Variants in RIMS1 observed in about 807,000 individuals in gnomAD.
The protein encoded by RIMS1 is regulating synaptic membrane exocytosis protein 1.
In RIMS1, 83 loss-of-function variants were observed where a neutral mutation model predicts 214.1. That is an observed-to-expected ratio of 0.39 (90% CI 0.32 to 0.47). The LOEUF is 0.47. Among genes scored for constraint, RIMS1 ranks in the 20% least tolerant of loss-of-function variants. The pLI, the probability that RIMS1 is intolerant of heterozygous loss-of-function variation, is 0.99. For synonymous variants in RIMS1, 793 were observed against 786.8 expected (o/e 1.01, Z -0.13); for missense variants, 2,050 against 2,161.8 (o/e 0.95, Z 1.03).
intron 8 of RIMS1, among the ~76,000 whole-genome samples, chr6:72,236,783 T>A (rs1275301179): frequency 8.6e-5 from 11 of 128,514 alleles, no homozygotes; most frequent in African/African-American, 8.8e-5. Context: ...GCTGATGAGC[T>A]AAAAAAAAAA....
At chr6:72,225,079 G>A (rs905764437) in intron 6 of RIMS1, among the ~76,000 whole-genome samples, 10 of 151,730 alleles carry the variant, frequency 6.6e-5, no homozygotes, top group East Asian at 2.0e-4. Context: ...TGTTTGCATA[G>A]CCAAAATAAA....
intron 6 of RIMS1, among the ~76,000 whole-genome samples, chr6:72,218,260 ACGCAGAGAGG>A: frequency 6.6e-6 from 1 of 152,112 alleles, no homozygotes; most frequent in Non-Finnish European, 1.5e-5. Context: ...GAGGACCTGG[ACGCAGAGAGG>A]CACTGGGGCT....
chr6:72,181,460 A>G (rs1464013446), intron 5 of RIMS1, among the ~76,000 whole-genome samples: 3 of 152,242 alleles, frequency 2.0e-5, no homozygotes. Flanking sequence ...ATATCTTTAA[A>G]TAAGATAGAG....
chr6:72,350,185 T>C (rs529643262), intron 29 of RIMS1, among the ~76,000 whole-genome samples: 12 of 152,258 alleles, frequency 7.9e-5, no homozygotes, highest in African/African-American at 2.9e-4. Flanking sequence ...CTAATTTTTG[T>C]ACACAGAAAA....
chr6:72,085,300 T>C (rs547751681), intron 2 of RIMS1, among the ~76,000 whole-genome samples: 5 of 152,314 alleles, frequency 3.3e-5, no homozygotes, highest in African/African-American at 1.2e-4. Context: ...ATTTCTGAAT[T>C]ACTGAGATAT....
intron 2 of RIMS1, among the ~76,000 whole-genome samples, chr6:71,972,428 G>A (rs74354964): frequency 0.072 from 10,940 of 152,218 alleles, 490 homozygotes; most frequent in Middle Eastern, 0.11. Context: ...AGTTGGTAGA[G>A]AGACAGGAAG....
At position 72,160,191 on chromosome 6, in the gene RIMS1, T is replaced by G. The variant is rs369826662; in HGVS notation, c.472-19384T>G. 3.1e-3 allele frequency among the ~76,000 whole-genome samples: 424 copies of G among 135,738 alleles called. 4 individuals carry two copies. The highest frequency in any genetic ancestry group is 0.011 in the Middle Eastern group (3 of 278). The allele number at this position is 135,738 out of a possible 152,430, so 89.0% of individuals were successfully genotyped here. A position where few individuals can be genotyped will look rare whatever the true frequency, so the allele number is the denominator to read the frequency against. On this transcript the variant is annotated intron_variant, in intron 4 of 33. Coordinates refer to ENST00000521978, the MANE Select transcript of RIMS1 (RefSeq NM_014989.7). ...TCATGATTTGGCTCTCTGTTTGTCT[T>G]TTGTTGGTGTATAAGAATGCTTGTG...
At chr6:72,303,860 C>A (rs1462827612) in intron 26 of RIMS1, among the ~76,000 whole-genome samples, 1 of 151,480 alleles carries the variant, frequency 6.6e-6, no homozygotes, top group South Asian at 2.1e-4. Flanking sequence ...AACCCTTCAA[C>A]CCCATTTTTA....
chr6:71,978,837 T>C (rs925562789), intron 2 of RIMS1, among the ~76,000 whole-genome samples: 1 of 152,044 alleles, frequency 6.6e-6, no homozygotes, highest in Admixed American at 6.6e-5. Context: ...AGAAAAAATG[T>C]CCAACTAGGA....
intron 1 of RIMS1, among the ~76,000 whole-genome samples, chr6:71,936,480 C>A (rs953944961): frequency 6.6e-6 from 1 of 151,962 alleles, no homozygotes; most frequent in African/African-American, 2.4e-5. Flanking sequence ...CAAAACTAAT[C>A]AACAAAAAAC....
intron 6 of RIMS1, among the ~76,000 whole-genome samples, chr6:72,202,748 G>A (rs958842987): frequency 1.3e-5 from 2 of 152,174 alleles, no homozygotes; most frequent in Non-Finnish European, 2.9e-5. Context: ...GTTGCTTTAT[G>A]AAGAGGGTTT....
chr6:72,227,832 A>G (rs757852996), intron 6 of RIMS1, among the ~76,000 whole-genome samples: 16 of 152,030 alleles, frequency 1.1e-4, no homozygotes, highest in Admixed American at 5.3e-4. Context: ...ACATGAATCA[A>G]CTTAATAATA....
intron 1 of RIMS1, among the ~76,000 whole-genome samples, chr6:71,953,845 A>G (rs1790383993): frequency 6.6e-6 from 1 of 152,182 alleles, no homozygotes; most frequent in South Asian, 2.1e-4. Flanking sequence ...TCTAATAAGG[A>G]TGCGAGAATT....
At chr6:71,887,516 T>A (rs1388812397) in intron 1 of RIMS1, among the ~76,000 whole-genome samples, 1 of 151,606 alleles carries the variant, frequency 6.6e-6, no homozygotes, top group Non-Finnish European at 1.5e-5. Flanking sequence ...CCCACCCAAG[T>A]GGAAGGTCCC....
At chr6:72,267,779 T>A (rs1214914965) in intron 22 of RIMS1, among the ~76,000 whole-genome samples, 1 of 152,136 alleles carries the variant, frequency 6.6e-6, no homozygotes, top group Non-Finnish European at 1.5e-5. Context: ...AAATTTAATC[T>A]GTCAGATAAT....
chr6:72,373,082 G>C (rs2098269083), intron 29 of RIMS1, among the ~76,000 whole-genome samples: 1 of 152,158 alleles, frequency 6.6e-6, no homozygotes, highest in Non-Finnish European at 1.5e-5. Context: ...GTAACCACAG[G>C]CTAAGGGTTT....
intron 4 of RIMS1, among the ~76,000 whole-genome samples, chr6:72,100,187 G>A (rs943569278): frequency 1.3e-5 from 2 of 152,192 alleles, no homozygotes; most frequent in East Asian, 3.9e-4. Flanking sequence ...AGTCTGGATA[G>A]TTTGAGTTCA....
intron 2 of RIMS1, among the ~76,000 whole-genome samples, chr6:72,068,419 A>C (rs1348558660): frequency 6.6e-6 from 1 of 152,208 alleles, no homozygotes; most frequent in Admixed American, 6.5e-5. Context: ...TTACTCTTAC[A>C]CACTAATTGC....
At chr6:72,311,474 A>T (rs933753305) in intron 27 of RIMS1, among the ~76,000 whole-genome samples, 1 of 152,220 alleles carries the variant, frequency 6.6e-6, no homozygotes, top group Admixed American at 6.5e-5. Context: ...ACATTGTCTT[A>T]AATCACATTA....
Sources: gnomAD v4.1 joint callset for allele counts (sites outside exome capture counted in the v4.1 genomes callset) on GRCh38, gnomAD v4.1.1 for gene constraint, MANE v1.5 for transcripts, NCBI Gene and HGNC (gene_info 2026-07-23, HGNC 2026-07-21) for gene names.